Variants in ADGRG6 observed in about 807,000 individuals in gnomAD.
ADGRG6 encodes the protein adhesion G protein-coupled receptor G6, also known as G-protein coupled receptor 126.
Under a neutral mutation model 142.4 loss-of-function variants are expected in ADGRG6, and 84 were observed. The ratio of observed to expected loss-of-function variants is 0.59; its 90% CI spans 0.49 to 0.71. The LOEUF is 0.71. ADGRG6 is among the 30% of genes least tolerant of loss of function. ADGRG6 has a pLI of 0.00. For synonymous variants in ADGRG6, 521 were observed against 520.5 expected (o/e 1.00, Z -0.01); for missense variants, 1,367 against 1,466.6 (o/e 0.93, Z 1.11).
At chr6:142,362,729 A>C (rs1383639624) in intron 2 of ADGRG6, among the ~76,000 whole-genome samples, 1 of 152,138 alleles carries the variant, frequency 6.6e-6, no homozygotes, top group Non-Finnish European at 1.5e-5. Context: ...CAGCATCTAA[A>C]ATGTTATTGA....
chr6:142,366,324 T>C (rs781056961), intron 2 of ADGRG6, among the ~76,000 whole-genome samples: 13 of 152,184 alleles, frequency 8.5e-5, no homozygotes, highest in Non-Finnish European at 1.9e-4. Flanking sequence ...TTAGATCTCA[T>C]AGGACTTACA....
chr6:142,328,528 T>C (rs1778891192), intron 2 of ADGRG6, among the ~76,000 whole-genome samples: 1 of 152,212 alleles, frequency 6.6e-6, no homozygotes, highest in Non-Finnish European at 1.5e-5. Context: ...TTCCATTTCT[T>C]TCATCTTGAT....
At chr6:142,352,443 A>G (rs1780231690) in intron 2 of ADGRG6, among the ~76,000 whole-genome samples, 1 of 152,120 alleles carries the variant, frequency 6.6e-6, no homozygotes, top group African/African-American at 2.4e-5. Context: ...AGACAGGAAC[A>G]GCAGACACTA....
chr6:142,395,721 C>T (rs1775151931), intron 9 of ADGRG6, among the ~76,000 whole-genome samples: 2 of 152,192 alleles, frequency 1.3e-5, no homozygotes, highest in South Asian at 2.1e-4. Context: ...ATGTTTATAG[C>T]CTTTCTTGTC....
rs1258979156 is a variant in ADGRG6, at chr6:142,420,024, C to T, written c.3239C>T (p.Thr1080Ile). The T allele has an allele frequency of 6.2e-7, 1 of 1,613,318 alleles. No homozygotes were observed. The highest frequency in any genetic ancestry group is 8.5e-7 in the Non-Finnish European group (1 of 1,179,378). ...AGCTTGACCTTTCTGTTGGGCATGA[C>T]ATGGGGTTTTGCATTCTTTGCCTGG... ...VVSLTFLLGM[T>I]WGFAFFAWGP... is the part of the protein sequence containing the mutation. The change falls in exon 22 of 25, where the codon ACA becomes ATA. Residue 1080 changes from threonine to isoleucine, a missense_variant. Thr to Ile is a moderately conservative substitution (Grantham distance 89, BLOSUM62 -1). This residue lies in a region of ADGRG6 where 344 missense variants were observed against 348.7 expected (regional missense o/e 0.99). Coordinates refer to ENST00000367609, the MANE Select transcript of ADGRG6 (RefSeq NM_198569.3).
intron 2 of ADGRG6, among the ~76,000 whole-genome samples, chr6:142,317,897 A>G (rs1240290705): frequency 1.3e-5 from 1 of 74,242 alleles, no homozygotes; most frequent in Admixed American, 2.4e-4. Context: ...TATATTATAT[A>G]TTTATATATA....
chr6:142,337,636 G>A (rs529649764), intron 2 of ADGRG6, among the ~76,000 whole-genome samples: 52 of 152,192 alleles, frequency 3.4e-4, no homozygotes, highest in African/African-American at 1.3e-3. Flanking sequence ...GCCTACCCAA[G>A]GGAGGAGGCA....
chr6:142,417,192 T>G lies in ADGRG6; in HGVS notation c.2939-81T>G, dbSNP rs1187977150. Reference sequence around the variant, plus strand: ...TTGCATTTCTCTTCTTTTCATTTCTTTTCTTTACATTTCATTAGCAGTCTT... The same window carrying G: ...TTGCATTTCTCTTCTTTTCATTTCTGTTCTTTACATTTCATTAGCAGTCTT... On this transcript the variant is annotated intron_variant, in intron 20 of 24. Coordinates refer to ENST00000367609, the MANE Select transcript of ADGRG6 (RefSeq NM_198569.3). 6 of 779,662 alleles carry G rather than the reference T, an allele frequency of 7.7e-6. No homozygotes were observed. In the Admixed American group the frequency reaches 7.9e-5, roughly 10 times the overall value. The allele number at this position is 779,662 out of a possible 1,614,324, so 48.3% of individuals were successfully genotyped here.
intron 2 of ADGRG6, among the ~76,000 whole-genome samples, chr6:142,360,310 T>C (rs1780651858): frequency 6.6e-6 from 1 of 152,192 alleles, no homozygotes; most frequent in Non-Finnish European, 1.5e-5. Flanking sequence ...CAGTAGCACA[T>C]GTATGTGATG....
intron 6 of ADGRG6, among the ~76,000 whole-genome samples, chr6:142,386,235 T>C (rs1357010892): frequency 6.6e-6 from 1 of 152,182 alleles, no homozygotes; most frequent in East Asian, 1.9e-4. Flanking sequence ...CTCATTAATG[T>C]CATTGATAGG....
intron 2 of ADGRG6, among the ~76,000 whole-genome samples, chr6:142,363,138 A>G (rs527930326): frequency 6.6e-6 from 1 of 152,336 alleles, no homozygotes; most frequent in South Asian, 2.1e-4. Context: ...TTTGTTCACC[A>G]TTTAACACAG....
chr6:142,399,751 G>T (rs1486406016), intron 10 of ADGRG6, among the ~76,000 whole-genome samples: 1 of 152,208 alleles, frequency 6.6e-6, no homozygotes, highest in Non-Finnish European at 1.5e-5. Context: ...TTTTCAGTTG[G>T]TGATGACAGT....
chr6:142,407,100 T>C (rs1418563440), intron 15 of ADGRG6, among the ~76,000 whole-genome samples: 3 of 147,244 alleles, frequency 2.0e-5, no homozygotes, highest in Non-Finnish European at 3.0e-5. Flanking sequence ...TTTGGGAGGC[T>C]GAGGAGGGAG....
intron 4 of ADGRG6, among the ~76,000 whole-genome samples, chr6:142,374,821 TACA>T (rs956338443): frequency 4.6e-5 from 7 of 152,252 alleles, no homozygotes; most frequent in Non-Finnish European, 1.0e-4. Context: ...GTTTATGGTA[TACA>T]ACATGTTTTA....
intron 2 of ADGRG6, among the ~76,000 whole-genome samples, chr6:142,355,539 T>G (rs1048745179): frequency 2.6e-5 from 4 of 152,100 alleles, no homozygotes; most frequent in Non-Finnish European, 5.9e-5. Context: ...ATCATTCAAC[T>G]GCACCTCGAT....
At chr6:142,386,383 C>A (rs897832469) in intron 6 of ADGRG6, among the ~76,000 whole-genome samples, 4 of 152,256 alleles carry the variant, frequency 2.6e-5, no homozygotes, top group Non-Finnish European at 5.9e-5. Context: ...CAAATAAAGG[C>A]CGAAACACTT....
intron 14 of ADGRG6, among the ~76,000 whole-genome samples, chr6:142,404,916 T>C (rs1375957813): frequency 6.6e-6 from 1 of 152,150 alleles, no homozygotes; most frequent in Admixed American, 6.5e-5. Context: ...AAGCGACACA[T>C]AAGCAAAGAG....
At chr6:142,382,130 A>C in intron 5 of ADGRG6, 111 bp downstream of exon 5, 1 of 660,284 alleles carries the variant, frequency 1.5e-6, no homozygotes, top group African/African-American at 1.8e-5. Flanking sequence ...GGAAAGCCAG[A>C]AAACAGCAAA....
chr6:142,418,355 CA>C (rs1354437150), intron 21 of ADGRG6, among the ~76,000 whole-genome samples: 1 of 150,604 alleles, frequency 6.6e-6, no homozygotes, highest in Admixed American at 6.6e-5. Context: ...ATCTCTGTCC[CA>C]TTTCTTCACA....
Sources: allele counts gnomAD v4.1 joint callset (sites outside exome capture counted in the v4.1 genomes callset), GRCh38; gene constraint gnomAD v4.1.1; regional missense constraint gnomAD v4.1.1; transcripts MANE v1.5; gene names NCBI Gene and HGNC (gene_info 2026-07-23, HGNC 2026-07-21).